Variants in GRID1 observed in about 807,000 individuals in gnomAD.
GRID1 encodes the protein glutamate ionotropic receptor delta type subunit 1.
GRID1 carries 28 observed loss-of-function variants against 98.0 expected under a neutral mutation model. The ratio of observed to expected loss-of-function variants is 0.29; its 90% CI spans 0.21 to 0.39. GRID1 has a LOEUF of 0.39. Among genes scored for constraint, GRID1 ranks in the 10% least tolerant of loss-of-function variants. The pLI, the probability that GRID1 is intolerant of heterozygous loss-of-function variation, is 1.00. For missense variants in GRID1, 1,111 were observed against 1,340.5 expected (o/e 0.83, Z 2.67); for synonymous variants, 553 against 538.5 (o/e 1.03, Z -0.37).
intron 8 of GRID1, among the ~76,000 whole-genome samples, chr10:85,774,962 C>T (rs1842314584): frequency 6.6e-6 from 1 of 151,730 alleles, no homozygotes; most frequent in Non-Finnish European, 1.5e-5. Flanking sequence ...TTGACCCAGC[C>T]ATCCCATTAC....
intron 8 of GRID1, among the ~76,000 whole-genome samples, chr10:85,786,477 A>C (rs746993314): frequency 6.6e-6 from 1 of 152,140 alleles, no homozygotes; most frequent in South Asian, 2.1e-4. Context: ...CCCTGCAGGC[A>C]TGCCGGACTC....
intron 2 of GRID1, among the ~76,000 whole-genome samples, chr10:86,241,404 CA>C (rs138870197): frequency 0.011 from 1,648 of 152,330 alleles, 26 homozygotes; most frequent in African/African-American, 0.032. Context: ...GGCATCTTTA[CA>C]GGGGGGCCCC....
chr10:86,330,483 G>A (rs570670797), intron 2 of GRID1, among the ~76,000 whole-genome samples: 2 of 152,300 alleles, frequency 1.3e-5, no homozygotes, highest in East Asian at 1.9e-4. Flanking sequence ...AGATGGCCAG[G>A]AGCAGACCCC....
intron 2 of GRID1, among the ~76,000 whole-genome samples, chr10:86,223,698 T>C (rs1383354020): frequency 1.3e-5 from 2 of 152,054 alleles, no homozygotes; most frequent in Non-Finnish European, 2.9e-5. Flanking sequence ...CCCATGGGAG[T>C]GGGCAATCCC....
At chr10:85,947,939 A>T (rs1752700338) in intron 4 of GRID1, among the ~76,000 whole-genome samples, 1 of 152,260 alleles carries the variant, frequency 6.6e-6, no homozygotes. Context: ...CAACCTTACA[A>T]TAAGCCTACC....
intron 5 of GRID1, among the ~76,000 whole-genome samples, chr10:85,893,859 G>A (rs577680512): frequency 5.3e-5 from 8 of 152,294 alleles, no homozygotes; most frequent in East Asian, 1.9e-4. Flanking sequence ...TCTAAAATGC[G>A]TATGGAAATG....
chr10:86,257,564 A>G (rs555415356), intron 2 of GRID1, among the ~76,000 whole-genome samples: 1 of 152,310 alleles, frequency 6.6e-6, no homozygotes, highest in Admixed American at 6.5e-5. Flanking sequence ...TGTGGCCACC[A>G]CTGTGTGAAT....
chr10:86,190,464 G>A (rs1439067655), intron 3 of GRID1, among the ~76,000 whole-genome samples: 1 of 152,210 alleles, frequency 6.6e-6, no homozygotes, highest in Non-Finnish European at 1.5e-5. Context: ...GAGGGGCTGG[G>A]CAGTGCCCCA....
chr10:85,634,170 GA>G (rs199625656), intron 13 of GRID1, among the ~76,000 whole-genome samples: 449 of 110,148 alleles, frequency 4.1e-3, no homozygotes, highest in Admixed American at 8.5e-3. Context: ...AACTCCATCT[GA>G]AAAAAAAAAA....
intron 4 of GRID1, among the ~76,000 whole-genome samples, chr10:86,011,117 G>A (rs910368231): frequency 1.2e-4 from 18 of 144,266 alleles, no homozygotes; most frequent in Non-Finnish European, 2.4e-4. Flanking sequence ...CTTAATAGCC[G>A]ATTGCAATAA....
In GRID1 at chr10:86,075,158, T is replaced by G. The variant is rs562699208; in HGVS notation, c.726+63661A>C. On this transcript the variant is annotated intron_variant, in intron 4 of 15. Transcript: ENST00000327946. ...CACTGTCCCACCCTGCCAGTTTGAC[T>G]CAGTATGAGTTGAATTGTGTCCCCT... is the stretch of plus-strand genomic sequence containing the variant. Among the ~76,000 whole-genome samples, 493 of 146,484 alleles carry G rather than the reference T, an allele frequency of 3.4e-3. 3 individuals carry two copies. Among genetic ancestry groups the G allele is most frequent in the African/African-American group, 0.012 (461 of 39,270 alleles).
intron 2 of GRID1, among the ~76,000 whole-genome samples, chr10:86,282,084 C>G (rs1476047170): frequency 2.0e-5 from 3 of 152,222 alleles, no homozygotes; most frequent in African/African-American, 7.2e-5. Context: ...GATTCCACCA[C>G]TTAGAACCTT....
At chr10:85,664,567 C>T (rs751147822) in intron 12 of GRID1, among the ~76,000 whole-genome samples, 1 of 152,190 alleles carries the variant, frequency 6.6e-6, no homozygotes, top group Admixed American at 6.5e-5. Flanking sequence ...CCAAAATTAG[C>T]TGTGCTTGGA....
chr10:85,734,558 GA>G (rs891519170), intron 8 of GRID1, among the ~76,000 whole-genome samples: 96 of 151,894 alleles, frequency 6.3e-4, no homozygotes, highest in Non-Finnish European at 1.1e-3. Context: ...GATAAAGCAA[GA>G]AAAAAAATAC....
intron 2 of GRID1, among the ~76,000 whole-genome samples, chr10:86,265,417 C>A (rs1847088871): frequency 1.3e-5 from 2 of 152,238 alleles, no homozygotes; most frequent in Admixed American, 1.3e-4. Flanking sequence ...AAATCTAGGA[C>A]TTAATTAGGT....
chr10:85,985,162 A>G (rs1842593959), intron 4 of GRID1, among the ~76,000 whole-genome samples: 2 of 152,116 alleles, frequency 1.3e-5, no homozygotes, highest in African/African-American at 4.8e-5. Context: ...AATTAGAACC[A>G]CTGGCATACA....
intron 2 of GRID1, among the ~76,000 whole-genome samples, chr10:86,210,837 A>C (rs1846097816): frequency 1.3e-5 from 2 of 152,388 alleles, no homozygotes; most frequent in South Asian, 4.1e-4. Context: ...ATCAAAATAC[A>C]TCAGATCAAA....
intron 13 of GRID1, among the ~76,000 whole-genome samples, chr10:85,643,633 A>G (rs1264038848): frequency 6.6e-6 from 1 of 152,210 alleles, no homozygotes; most frequent in Non-Finnish European, 1.5e-5. Flanking sequence ...AAAAAAATGC[A>G]GCACACTTCA....
At chr10:86,208,063 G>C (rs992522193) in intron 2 of GRID1, among the ~76,000 whole-genome samples, 11 of 152,276 alleles carry the variant, frequency 7.2e-5, no homozygotes, top group Admixed American at 6.5e-4. Context: ...CTCAGATAAG[G>C]CTGGGAGAGA....
Sources: allele counts gnomAD v4.1 joint callset (sites outside exome capture counted in the v4.1 genomes callset), GRCh38; gene constraint gnomAD v4.1.1; transcripts MANE v1.5; gene names NCBI Gene and HGNC (gene_info 2026-07-23, HGNC 2026-07-21).